OR10J1: variants seen among roughly 807,000 people sequenced by gnomAD.
OR10J1 encodes the protein olfactory receptor 10J1.
For missense variants in OR10J1, 474 were observed against 376.6 expected, an observed-to-expected ratio of 1.26 and a Z score of -2.14; for synonymous variants, 202 against 143.8, an observed-to-expected ratio of 1.40 and a Z score of -2.89.
Position 159,440,725 on chromosome 1 carries a change from T to C in OR10J1, c.*4T>C, listed in dbSNP as rs368656963. 2 of 1,605,866 alleles carry C rather than the reference T, an allele frequency of 1.2e-6. No individual in the cohort carries two copies. The highest frequency in any genetic ancestry group is 1.1e-5 in the South Asian group (1 of 90,368). On this transcript the variant is annotated 3_prime_UTR_variant, in exon 1 of 1. Coordinates refer to ENST00000423932, the MANE Select transcript of OR10J1 (RefSeq NM_012351.3). ...TGTTGGTGGGAAGTTTTCCTGACCATGTAGGAAGAGTTCTCCTGAGGCTGT... is the reference window on the plus strand; with the variant it reads ...TGTTGGTGGGAAGTTTTCCTGACCACGTAGGAAGAGTTCTCCTGAGGCTGT...
the OR10J1 span, among the ~76,000 whole-genome samples, chr1:159,397,832 C>T: frequency 9.9e-5 from 15 of 152,274 alleles, no homozygotes; most frequent in Admixed American, 9.2e-4. Flanking sequence ...GACCTTGCCA[C>T]CCTAAAGCAA....
At chr1:159,435,249 T>C (rs1265879047), upstream of OR10J1, among the ~76,000 whole-genome samples, 4 of 152,160 alleles carry the variant, frequency 2.6e-5, no homozygotes, top group African/African-American at 4.8e-5. Flanking sequence ...TATGCCCTCC[T>C]TACTGACCTG....
At chr1:159,439,490 C>T (rs974116065), upstream of OR10J1, among the ~76,000 whole-genome samples, 7 of 151,962 alleles carry the variant, frequency 4.6e-5, no homozygotes, top group Admixed American at 3.9e-4. Flanking sequence ...AAAAGAGAAG[C>T]CATTCCAGAT....
the OR10J1 span, among the ~76,000 whole-genome samples, chr1:159,413,944 G>T: frequency 4.0e-5 from 6 of 151,718 alleles, no homozygotes; most frequent in Non-Finnish European, 5.9e-5. Context: ...CTTATTTAAT[G>T]GGTTTTTTAG....
At chr1:159,422,385 G>C in the OR10J1 span, among the ~76,000 whole-genome samples, 3 of 152,172 alleles carry the variant, frequency 2.0e-5, no homozygotes, top group East Asian at 5.8e-4. Flanking sequence ...GCTGGGGACT[G>C]TGCATATTGC....
At chr1:159,417,481 T>TA in the OR10J1 span, among the ~76,000 whole-genome samples, 3 of 152,166 alleles carry the variant, frequency 2.0e-5, no homozygotes, top group African/African-American at 7.2e-5. Context: ...GAATAAGTCT[T>TA]ACGAGATCTG....
At chr1:159,399,778 A>G in the OR10J1 span, among the ~76,000 whole-genome samples, 1 of 152,072 alleles carries the variant, frequency 6.6e-6, no homozygotes, top group Non-Finnish European at 1.5e-5. Flanking sequence ...GGACTAAATG[A>G]TGAACCAATA....
chr1:159,398,305 T>C, the OR10J1 span, among the ~76,000 whole-genome samples: 2 of 152,312 alleles, frequency 1.3e-5, no homozygotes, highest in African/African-American at 4.8e-5. Context: ...CAGTGAAGAT[T>C]ACAATACATA....
At chr1:159,412,850 A>G in the OR10J1 span, among the ~76,000 whole-genome samples, 1 of 151,688 alleles carries the variant, frequency 6.6e-6, no homozygotes, top group African/African-American at 2.4e-5. Context: ...ATCTAATTAA[A>G]CTAAAGAGCT....
chr1:159,404,177 T>C, the OR10J1 span, among the ~76,000 whole-genome samples: 1 of 151,852 alleles, frequency 6.6e-6, no homozygotes, highest in Non-Finnish European at 1.5e-5. Flanking sequence ...AAAAAATAAA[T>C]AAGGCCTACT....
chr1:159,412,193 C>A, the OR10J1 span, among the ~76,000 whole-genome samples: 2 of 151,916 alleles, frequency 1.3e-5, no homozygotes, highest in African/African-American at 2.4e-5. Flanking sequence ...AAAGAGGATA[C>A]AAAGAAATGG....
At chr1:159,422,661 C>T in the OR10J1 span, among the ~76,000 whole-genome samples, 9 of 152,156 alleles carry the variant, frequency 5.9e-5, no homozygotes, top group Admixed American at 5.9e-4. Flanking sequence ...TGCTGTATTG[C>T]AGCTGCACAA....
At chr1:159,438,811 G>A (rs2101707648), upstream of OR10J1, among the ~76,000 whole-genome samples, 1 of 152,308 alleles carries the variant, frequency 6.6e-6, no homozygotes, top group East Asian at 1.9e-4. Flanking sequence ...AGATAAAAAT[G>A]TGAAATATTA....
At position 159,440,135 on chromosome 1, in the gene OR10J1, T is replaced by C. The variant is rs1471839094; in HGVS notation, c.344T>C (p.Leu115Pro). ...VTFGITNCFL[L>P]TAMGYDRYVA... is the part of the protein sequence containing the mutation. ...TTTGGCATCACTAACTGCTTCCTGC[T>C]CACAGCAATGGGATATGACCGCTAT... Residue 115 changes from leucine (L) to proline (P), a missense_variant, in exon 1 of 1, where the codon CTC (leucine) becomes CCC (proline). Physicochemically the swap from Leu to Pro is moderately conservative, Grantham distance 98. Coordinates refer to ENST00000423932, the MANE Select transcript of OR10J1 (RefSeq NM_012351.3). 1 of 1,614,120 alleles carries C rather than the reference T, an allele frequency of 6.2e-7. No homozygotes were observed. Among genetic ancestry groups the C allele is most frequent in the Middle Eastern group, 1.6e-4 (1 of 6,062 alleles).
the OR10J1 span, among the ~76,000 whole-genome samples, chr1:159,424,697 TA>T: frequency 6.6e-6 from 1 of 151,652 alleles, no homozygotes; most frequent in African/African-American, 2.4e-5. Flanking sequence ...GAAAATGTAA[TA>T]AAAAGATTAA....
the OR10J1 span, chr1:159,405,905 T>C: frequency 1.4e-5 from 8 of 561,092 alleles, no homozygotes; most frequent in South Asian, 1.1e-4. Context: ...ACTTGGACAA[T>C]AGCCATGCCC....
chr1:159,404,959 A>G, the OR10J1 span, among the ~76,000 whole-genome samples: 4 of 152,238 alleles, frequency 2.6e-5, no homozygotes, highest in African/African-American at 7.2e-5. Context: ...AGTGTGATAA[A>G]CGGTAATTCC....
upstream of OR10J1, chr1:159,433,154 A>G (rs1655631980): frequency 2.5e-6 from 1 of 403,086 alleles, no homozygotes; most frequent in African/African-American, 2.0e-5. Context: ...GGTCAGTTCA[A>G]TAACAATCAA....
chr1:159,422,687 G>A, the OR10J1 span, among the ~76,000 whole-genome samples: 1 of 152,166 alleles, frequency 6.6e-6, no homozygotes, highest in African/African-American at 2.4e-5. Context: ...TGGGGGTTGT[G>A]GGACCCAGCA....
Sources: allele counts gnomAD v4.1 joint callset (sites outside exome capture counted in the v4.1 genomes callset), GRCh38; gene constraint gnomAD v4.1.1; transcripts MANE v1.5; gene names NCBI Gene and HGNC (gene_info 2026-07-23, HGNC 2026-07-21).